The following SMAD4 variants were observed in gnomAD, a reference collection of about 807,000 sequenced individuals.
SMAD4 encodes the protein SMAD family member 4, also known as MAD homolog 4.
SMAD4 carries 7 observed loss-of-function variants against 63.2 expected under a neutral mutation model. The ratio of observed to expected loss-of-function variants is 0.11; its 90% CI spans 0.06 to 0.21. The LOEUF (loss-of-function observed/expected upper bound fraction) is 0.21. SMAD4 is among the 10% of genes least tolerant of loss of function. The pLI is 1.00. For missense variants in SMAD4, 312 were observed against 693.8 expected, an observed-to-expected ratio of 0.45 and a Z score of 6.18; for synonymous variants, 215 against 235.4, an observed-to-expected ratio of 0.91 and a Z score of 0.79.
At chr18:51,054,685 T>C in intron 4 of SMAD4, 96 bp from the exon 5 acceptor site, 1 of 780,758 alleles carries the variant, frequency 1.3e-6, no homozygotes, top group Non-Finnish European at 2.2e-6. Flanking sequence ...ACACTGTAAT[T>C]GATTTTAGGT....
At position 51,047,053 on chromosome 18, in the gene SMAD4, A is replaced by T. The variant is rs774342820; in HGVS notation, c.7A>T (p.Asn3Tyr). ...AAAGGAAAAACTTGAACAAATGGAC[A>T]ATATGTCTATTACGAATACACCAAC... MD[N>Y]MSITNTPTSN... The change falls in exon 2 of 12, where the codon AAT becomes TAT. Residue 3 changes from asparagine to tyrosine, a missense_variant. Physicochemically the swap from Asn to Tyr is moderately radical, Grantham distance 143. This residue lies in a region of SMAD4 where 37 missense variants were observed against 87.3 expected (regional missense o/e 0.42). Coordinates refer to ENST00000342988, the MANE Select transcript of SMAD4 (RefSeq NM_005359.6). 1 of 1,613,804 alleles carries T rather than the reference A, an allele frequency of 6.2e-7. No individual in the cohort carries two copies.
chr18:51,040,332 G>T (rs2144387182), intron 1 of SMAD4, among the ~76,000 whole-genome samples: 1 of 151,872 alleles, frequency 6.6e-6, no homozygotes, highest in Non-Finnish European at 1.5e-5. Flanking sequence ...GCTGAGGCAG[G>T]AGAATCGCTT....
intron 1 of SMAD4, among the ~76,000 whole-genome samples, chr18:51,036,480 C>G (rs1035494593): frequency 6.6e-5 from 10 of 152,030 alleles, no homozygotes; most frequent in African/African-American, 2.4e-4. Context: ...GTAAGCTAAG[C>G]CAGGAATCAT....
chr18:51,069,274 G>A (rs966064102), intron 10 of SMAD4, among the ~76,000 whole-genome samples: 4 of 151,986 alleles, frequency 2.6e-5, no homozygotes, highest in South Asian at 2.1e-4. Context: ...GTGCCACCAC[G>A]CCTGGCTAAT....
chr18:51,073,361 T>TTATATATATATATATATA (rs35099364), intron 10 of SMAD4, among the ~76,000 whole-genome samples: 6 of 22,212 alleles, frequency 2.7e-4, no homozygotes, highest in South Asian at 2.1e-3. Context: ...CCAGATAACA[T>TTATATATATATATATATA]TATATATATA....
chr18:51,042,233 A>G (rs919966039), intron 1 of SMAD4, among the ~76,000 whole-genome samples: 1 of 151,838 alleles, frequency 6.6e-6, no homozygotes, highest in African/African-American at 2.4e-5. Context: ...TATAATATAT[A>G]TTCACTTTGC....
Position 51,041,662 on chromosome 18 carries a change from G to C in SMAD4, c.-127-5258G>C, listed in dbSNP as rs185244401. Among the ~76,000 whole-genome samples the C allele has an allele frequency of 2.3e-4, 35 of 152,306 alleles. No individual in the cohort carries two copies. In the East Asian group the frequency reaches 6.6e-3, roughly 29 times the overall value. ...TTTGGCCAGTCAAACATGAGCAGAA[G>C]TGGTAGCCTTTAAAAGAAGATATAT... On this transcript the variant is annotated intron_variant, in intron 1 of 11. Coordinates refer to ENST00000342988, the MANE Select transcript of SMAD4 (RefSeq NM_005359.6).
chr18:51,065,378 T>C (rs2144446011), intron 8 of SMAD4, 45 bp from the exon 9 acceptor site: 2 of 1,520,976 alleles, frequency 1.3e-6, no homozygotes, highest in Non-Finnish European at 1.8e-6. Context: ...GAAAGCCTTA[T>C]ATCTTTCTCA....
At chr18:51,033,778 T>A (rs1909120136) in intron 1 of SMAD4, among the ~76,000 whole-genome samples, 1 of 152,244 alleles carries the variant, frequency 6.6e-6, no homozygotes, top group Admixed American at 6.5e-5. Context: ...CAAGGTATTT[T>A]AGGTTGTGTC....
chr18:51,062,862 T>TTTTTG (rs1910055001), intron 8 of SMAD4, among the ~76,000 whole-genome samples: 2 of 132,332 alleles, frequency 1.5e-5, no homozygotes, highest in African/African-American at 5.7e-5. Context: ...TTTTTTTTTT[T>TTTTTG]TTTTTTTTTT....
chr18:51,083,216 A>C lies in SMAD4; in HGVS notation c.*4749A>C, dbSNP rs1910651603. On this transcript the variant is annotated 3_prime_UTR_variant, in exon 12 of 12. Coordinates refer to ENST00000342988, the MANE Select transcript of SMAD4 (RefSeq NM_005359.6). ...CGTTGTCTGGAGGACACCAGCAAAC[A>C]ACACACAACAAAGCAAAACAAACCT... is the stretch of plus-strand genomic sequence containing the variant. The C allele has an allele frequency of 4.4e-6, 1 of 227,356 alleles. No individual in the cohort carries two copies. The highest frequency in any genetic ancestry group is 2.2e-5 in the African/African-American group (1 of 45,052). The allele number at this position is 227,356 out of a possible 1,614,324, so 14.1% of individuals were successfully genotyped here.
chr18:51,042,517 A>G (rs1180350434), intron 1 of SMAD4, among the ~76,000 whole-genome samples: 3 of 151,494 alleles, frequency 2.0e-5, no homozygotes, highest in African/African-American at 7.3e-5. Flanking sequence ...GACTATAGGC[A>G]TGTGCCACCA....
chr18:51,060,676 C>G (rs932045913), intron 8 of SMAD4, among the ~76,000 whole-genome samples: 1 of 152,022 alleles, frequency 6.6e-6, no homozygotes, highest in African/African-American at 2.4e-5. Context: ...CTCTGTTGCC[C>G]AAACTGGAGT....
intron 8 of SMAD4, among the ~76,000 whole-genome samples, chr18:51,062,054 T>C (rs561096748): frequency 6.6e-6 from 1 of 152,324 alleles, no homozygotes; most frequent in East Asian, 1.9e-4. Flanking sequence ...GCAGTAGATG[T>C]CATAGTTTAA....
chr18:51,040,164 A>AT (rs1909331636), intron 1 of SMAD4, among the ~76,000 whole-genome samples: 2 of 152,248 alleles, frequency 1.3e-5, no homozygotes, highest in Admixed American at 1.3e-4. Flanking sequence ...ATGGTGGCTC[A>AT]TACCTGTAAT....
Position 51,073,279 on chromosome 18 carries a change from G to T in SMAD4, c.1309-3359G>T, listed in dbSNP as rs1037107783. On this transcript the variant is annotated intron_variant, in intron 10 of 11. Transcript: ENST00000342988. ...TGGTTATTTTTTTAAATGACTCGTG[G>T]GGGTGGGGGAGTGTTAATGTTAAAG... Among the ~76,000 whole-genome samples the T allele has an allele frequency of 1.1e-4, 17 of 149,044 alleles. No homozygotes were observed. The South Asian group carries it at 1.7e-3, about 15-fold the overall frequency.
chr18:51,047,610 C>CT (rs752138841), intron 2 of SMAD4, among the ~76,000 whole-genome samples: 437 of 143,646 alleles, frequency 3.0e-3, no homozygotes, highest in Middle Eastern at 3.6e-3. Flanking sequence ...CTGTTGTTTT[C>CT]TTTTTTTTTT....
intron 1 of SMAD4, 37 bp downstream of exon 1, chr18:51,030,660 G>T (rs1909015177): frequency 6.7e-6 from 1 of 149,918 alleles, no homozygotes; most frequent in Admixed American, 6.7e-5. Flanking sequence ...CCCCCGGCCG[G>T]GCCCGCGCAC....
chr18:51,048,947 T>C, intron 3 of SMAD4, 87 bp downstream of exon 3: 2 of 1,204,914 alleles, frequency 1.7e-6, no homozygotes, highest in African/African-American at 3.0e-5. Flanking sequence ...AATTATAAAT[T>C]TGGAAGATAG....
Sources: gnomAD v4.1 joint callset for allele counts (sites outside exome capture counted in the v4.1 genomes callset) on GRCh38, gnomAD v4.1.1 for gene constraint, gnomAD v4.1.1 regional missense constraint, MANE v1.5 for transcripts, NCBI Gene and HGNC (gene_info 2026-07-23, HGNC 2026-07-21) for gene names.